Variants in UTP20 observed in about 807,000 individuals in gnomAD.
The protein encoded by UTP20 is UTP20 small subunit processome component.
UTP20 carries 164 observed loss-of-function variants against 329.5 expected under a neutral mutation model. The ratio of observed to expected loss-of-function variants is 0.50; its 90% CI spans 0.44 to 0.57. The LOEUF is 0.57. Ranked by LOEUF, UTP20 falls within the 20% of genes least tolerant of loss-of-function variation. The probability of loss-of-function intolerance (pLI) is 0.00; values close to 1 mark genes in which losing one functional copy is unlikely to be tolerated. For missense variants in UTP20, 3,055 were observed against 3,284.2 expected (o/e 0.93, Z 1.71); for synonymous variants, 1,151 against 1,159.3 (o/e 0.99, Z 0.14).
chr12:101,299,804 C>T lies in UTP20; in HGVS notation c.1553C>T (p.Ser518Phe). The T allele has an allele frequency of 6.2e-7, 1 of 1,611,022 alleles. No homozygotes were observed. The highest frequency in any genetic ancestry group is 8.5e-7 in the Non-Finnish European group (1 of 1,179,178). Residue 518 changes from serine (S) to phenylalanine (F), a missense_variant, in exon 13 of 62, where the codon TCT becomes TTT. Around this residue, in one of 3 missense-constraint regions of UTP20, gnomAD observed 2,445 missense variants for 2,575.5 expected, o/e 0.95. Coordinates refer to ENST00000261637, the MANE Select transcript of UTP20 (RefSeq NM_014503.3). ...AAAGATACTACTTACCTTTCACAAT[C>T]TTGGGCAGCCCTCGTGGTGTTACCT... ...PNKDTTYLSQ[S>F]WAALVVLPHI...
chr12:101,365,188 C>T (rs1870056737), intron 45 of UTP20, among the ~76,000 whole-genome samples: 1 of 151,468 alleles, frequency 6.6e-6, no homozygotes, highest in Non-Finnish European at 1.5e-5. Context: ...TGGCATTGTG[C>T]CCTGAGGCCT....
intron 39 of UTP20, 110 bp downstream of exon 39, chr12:101,352,304 G>C: frequency 8.2e-7 from 1 of 1,214,944 alleles, no homozygotes; most frequent in Non-Finnish European, 1.1e-6. Context: ...TATCATTGTT[G>C]GACATTTGGG....
At chr12:101,384,912 C>G (rs1217358893) in intron 60 of UTP20, among the ~76,000 whole-genome samples, 1 of 152,120 alleles carries the variant, frequency 6.6e-6, no homozygotes, top group Non-Finnish European at 1.5e-5. Context: ...CATCTAATAT[C>G]TGCCAGGCAC....
Position 101,327,235 on chromosome 12 carries a change from C to G in UTP20, c.3196C>G (p.His1066Asp). 9 of 1,593,560 alleles carry G rather than the reference C, an allele frequency of 5.6e-6. No homozygotes were observed. Among genetic ancestry groups the G allele is most frequent in the Non-Finnish European group, 7.7e-6 (9 of 1,164,040 alleles). Residue 1066 changes from histidine to aspartate, a missense_variant, in exon 26 of 62, where the codon CAT becomes GAT. By Grantham distance (81) the His-to-Asp change is moderately conservative. Around this residue, in one of 3 missense-constraint regions of UTP20, gnomAD observed 2,445 missense variants for 2,575.5 expected, o/e 0.95. Coordinates refer to ENST00000261637, the MANE Select transcript of UTP20 (RefSeq NM_014503.3). ...FLDLLFEPVR[H>D]FKNGECHSAV... ...AGACCTGCTGTTTGAACCTGTGAGG[C>G]ATTTCAAGAATGGTAACTATCAGCT...
At position 101,280,221 on chromosome 12, in the gene UTP20, A is replaced by G; in HGVS notation, c.-62A>G. 6.5e-7 allele frequency: 1 copy of G among 1,544,126 alleles called. No homozygotes were observed. Among genetic ancestry groups the G allele is most frequent in the Non-Finnish European group, 8.8e-7 (1 of 1,140,884 alleles). Reference sequence around the variant, plus strand: ...GCCTGTGAGCCGCTTTCCCCTCCTTACTGTCGGTTGCATCCCTTCGACACT... The same window carrying G: ...GCCTGTGAGCCGCTTTCCCCTCCTTGCTGTCGGTTGCATCCCTTCGACACT... On this transcript the variant is annotated 5_prime_UTR_variant, in exon 1 of 62. Coordinates refer to ENST00000261637, the MANE Select transcript of UTP20 (RefSeq NM_014503.3).
chr12:101,332,622 T>C (rs1868796931), intron 27 of UTP20, among the ~76,000 whole-genome samples: 1 of 152,226 alleles, frequency 6.6e-6, no homozygotes, highest in Admixed American at 6.5e-5. Context: ...CATTCCAGCC[T>C]CTATGCCTCT....
chr12:101,306,658 T>C (rs768995749), intron 16 of UTP20, 41 bp from the exon 17 acceptor site: 56 of 1,563,786 alleles, frequency 3.6e-5, no homozygotes, highest in Non-Finnish European at 4.9e-5. Flanking sequence ...CTTTTTATGG[T>C]TAAACTTTGG....
Position 101,284,124 on chromosome 12 carries a change from T to C in UTP20, c.127-1446T>C, listed in dbSNP as rs1020054378. On this transcript the variant is annotated intron_variant, in intron 2 of 61. Coordinates refer to ENST00000261637, the MANE Select transcript of UTP20 (RefSeq NM_014503.3). Reference sequence around the variant, plus strand: ...CAACTTTGATTTTAGATACAGGGGGTACCTGTGCAGGTTTGTTACATGGGA... The same window carrying C: ...CAACTTTGATTTTAGATACAGGGGGCACCTGTGCAGGTTTGTTACATGGGA... Among the ~76,000 whole-genome samples the C allele has an allele frequency of 6.6e-5, 10 of 152,234 alleles. No individual in the cohort carries two copies. In the East Asian group the frequency reaches 9.6e-4, roughly 15 times the overall value.
Position 101,373,729 on chromosome 12 carries a change from C to T in UTP20, c.7093C>T (p.Leu2365=). 6.2e-7 allele frequency: 1 copy of T among 1,611,878 alleles called. No individual in the cohort carries two copies. Residue 2365 remains leucine (L), a synonymous_variant, in exon 54 of 62, where the codon CTG becomes TTG. Transcript: ENST00000261637. ...AATCAGCCTCGAGAAAAAAGATTGG[C>T]TGTTTGATATGGTTACCACTTGGTT... ...GKISLEKKDW[L]FDMVTTWFGA... is the part of the protein sequence containing the mutation.
chr12:101,347,839 C>A (rs879924502), intron 38 of UTP20, among the ~76,000 whole-genome samples: 39 of 151,868 alleles, frequency 2.6e-4, no homozygotes, highest in Non-Finnish European at 3.2e-4. Flanking sequence ...ATGGTATCTC[C>A]TTTTTTTGAG....
Position 101,280,437 on chromosome 12 carries a change from T to A in UTP20, c.45+110T>A, listed in dbSNP as rs1472192552. 2.2e-6 allele frequency: 3 copies of A among 1,352,314 alleles called. No homozygotes were observed. The Admixed American group carries it at 6.7e-5, about 30-fold the overall frequency. 83.8% of individuals were successfully genotyped at this position (1,352,314 alleles called of 1,614,324 possible). On this transcript the variant is annotated intron_variant, in intron 1 of 61. Coordinates refer to ENST00000261637, the MANE Select transcript of UTP20 (RefSeq NM_014503.3). ...CAGACTTCTGGGCCGAGTGTGTCAC[T>A]TTCCTGGAGGCTCCGGCGAAAGAGG...
intron 11 of UTP20, 114 bp downstream of exon 11, chr12:101,293,359 C>A: frequency 1.1e-6 from 1 of 880,994 alleles, no homozygotes; most frequent in Non-Finnish European, 1.8e-6. Flanking sequence ...AGGATAAGTG[C>A]TTGATGTTTT....
intron 56 of UTP20, among the ~76,000 whole-genome samples, chr12:101,378,420 C>T (rs1870542240): frequency 6.6e-6 from 1 of 152,050 alleles, no homozygotes; most frequent in African/African-American, 2.4e-5. Flanking sequence ...TTACATTACT[C>T]ACTTTAGAAA....
chr12:101,373,536 T>C, intron 53 of UTP20, 49 bp from the exon 54 acceptor site: 1 of 1,612,930 alleles, frequency 6.2e-7, no homozygotes, highest in Non-Finnish European at 8.5e-7. Context: ...TGCTAGAGCA[T>C]CTGTAGGAAT....
At chr12:101,360,271 G>A (rs1328638796) in intron 43 of UTP20, among the ~76,000 whole-genome samples, 1 of 152,198 alleles carries the variant, frequency 6.6e-6, no homozygotes, top group Non-Finnish European at 1.5e-5. Context: ...GCACAGTGGT[G>A]TGTACCTTTA....
intron 27 of UTP20, among the ~76,000 whole-genome samples, chr12:101,329,983 A>G (rs1252367387): frequency 6.6e-6 from 1 of 151,038 alleles, no homozygotes; most frequent in Non-Finnish European, 1.5e-5. Context: ...CAACAGAGTG[A>G]GACTCTGCCT....
At chr12:101,327,730 A>G (rs1868615436) in intron 26 of UTP20, among the ~76,000 whole-genome samples, 1 of 152,218 alleles carries the variant, frequency 6.6e-6, no homozygotes, top group African/African-American at 2.4e-5. Flanking sequence ...GATAGTTGAG[A>G]TGAAATGGAT....
rs575357988 is a variant in UTP20, at chr12:101,319,104, T to C, written c.2739-441T>C. Among the ~76,000 whole-genome samples, 249 of 152,288 alleles carry C rather than the reference T, an allele frequency of 1.6e-3. 3 individuals carry two copies. Among genetic ancestry groups the C allele is most frequent in the Admixed American group, 3.3e-3 (51 of 15,300 alleles). On this transcript the variant is annotated intron_variant, in intron 22 of 61. Coordinates refer to ENST00000261637, the MANE Select transcript of UTP20 (RefSeq NM_014503.3). Reference sequence around the variant, plus strand: ...CTTCCTTGTTGGTGAGCAACAGCCATTGGTTGCCTTAACCTGGACCTCTGT... The same window carrying C: ...CTTCCTTGTTGGTGAGCAACAGCCACTGGTTGCCTTAACCTGGACCTCTGT...
chr12:101,311,793 A>C lies in UTP20; in HGVS notation c.2306A>C (p.His769Pro), dbSNP rs1474206433. The C allele has an allele frequency of 5.6e-6, 9 of 1,611,670 alleles. No homozygotes were observed. Among genetic ancestry groups the C allele is most frequent in the South Asian group, 1.1e-5 (1 of 90,040 alleles). ...YYEHLEKAAT[H>P]AEKELQNDMT... is the part of the protein sequence containing the mutation. ...GAGCATCTAGAAAAAGCAGCTACGC[A>C]TGCTGGTATGTAAAGGGGTTGTGAG... is the stretch of plus-strand genomic sequence containing the variant. The change falls in exon 20 of 62, where the codon CAT becomes CCT. Residue 769 changes from histidine to proline, a missense_variant. Around this residue, in one of 3 missense-constraint regions of UTP20, gnomAD observed 2,445 missense variants for 2,575.5 expected, o/e 0.95. Coordinates refer to ENST00000261637, the MANE Select transcript of UTP20 (RefSeq NM_014503.3).
Sources: allele counts gnomAD v4.1 joint callset (sites outside exome capture counted in the v4.1 genomes callset), GRCh38; gene constraint gnomAD v4.1.1; regional missense constraint gnomAD v4.1.1; transcripts MANE v1.5; gene names NCBI Gene and HGNC (gene_info 2026-07-23, HGNC 2026-07-21).